The following MAML2 variants were observed in gnomAD, a reference collection of about 807,000 sequenced individuals.
MAML2 encodes the protein mastermind-like protein 2.
A neutral mutation model predicts 96.1 loss-of-function variants in MAML2; 22 were observed. That is an observed-to-expected ratio of 0.23 (90% confidence interval 0.16 to 0.33). The LOEUF is 0.33. Ranked by LOEUF, MAML2 falls within the 10% of genes least tolerant of loss-of-function variation. The pLI is 1.00. For missense variants in MAML2, 1,367 were observed against 1,392.4 expected, an observed-to-expected ratio of 0.98 and a Z score of 0.29; for synonymous variants, 561 against 521.3, an observed-to-expected ratio of 1.08 and a Z score of -1.04.
In MAML2 at chr11:96,261,764, T is replaced by C. The variant is rs560616743; in HGVS notation, c.513+79619A>G. On this transcript the variant is annotated intron_variant, in intron 1 of 4. Transcript: ENST00000524717. ...TATTCGTCTATAAAATAAGGAAGTG[T>C]TCAATTCAGTAACTATTTCAATGTT... 1.9e-4 allele frequency among the ~76,000 whole-genome samples: 29 copies of C among 152,372 alleles called. No homozygotes were observed. The South Asian group carries it at 2.3e-3, about 12-fold the overall frequency.
chr11:96,098,699 C>A (rs1264362180), intron 1 of MAML2, among the ~76,000 whole-genome samples: 1 of 152,222 alleles, frequency 6.6e-6, no homozygotes, highest in Non-Finnish European at 1.5e-5. Context: ...GCGGTCTCTG[C>A]TGGGGAAAGG....
chr11:96,013,413 G>T (rs1378016166), intron 2 of MAML2, among the ~76,000 whole-genome samples: 1 of 152,228 alleles, frequency 6.6e-6, no homozygotes, highest in African/African-American at 2.4e-5. Flanking sequence ...ATACAGGACT[G>T]CTAGGAAGGG....
chr11:96,097,809 A>T (rs918261479), intron 1 of MAML2, among the ~76,000 whole-genome samples: 1 of 152,048 alleles, frequency 6.6e-6, no homozygotes, highest in Non-Finnish European at 1.5e-5. Flanking sequence ...CTAGGCAGGC[A>T]CTCTGTGGTG....
chr11:96,255,864 C>CAT (rs1470365716), intron 1 of MAML2, among the ~76,000 whole-genome samples: 6 of 134,746 alleles, frequency 4.5e-5, no homozygotes, highest in African/African-American at 1.6e-4. Flanking sequence ...CCCCCCACCG[C>CAT]CTTTTTTTTT....
At chr11:96,281,392 G>C (rs753663351) in intron 1 of MAML2, among the ~76,000 whole-genome samples, 6 of 152,064 alleles carry the variant, frequency 3.9e-5, no homozygotes, top group Non-Finnish European at 7.4e-5. Context: ...TGGGGTCCAG[G>C]TCTGCTCTGG....
chr11:96,275,235 T>C (rs1407049171), intron 1 of MAML2, among the ~76,000 whole-genome samples: 1 of 151,784 alleles, frequency 6.6e-6, no homozygotes, highest in African/African-American at 2.4e-5. Flanking sequence ...ATATCCTAAC[T>C]TTTGCATTTT....
At chr11:96,135,545 CTTTT>C (rs10665067) in intron 1 of MAML2, among the ~76,000 whole-genome samples, 33,415 of 139,452 alleles carry the variant, frequency 0.24, 4,116 homozygotes, top group Middle Eastern at 0.33. Context: ...CAATCCAAGG[CTTTT>C]TTTTTTTTTT....
chr11:96,071,799 C>G (rs999628711), intron 2 of MAML2, among the ~76,000 whole-genome samples: 2 of 152,196 alleles, frequency 1.3e-5, no homozygotes, highest in Non-Finnish European at 2.9e-5. Flanking sequence ...CCTCCCCAGT[C>G]CATCCTGCAT....
intron 2 of MAML2, among the ~76,000 whole-genome samples, chr11:96,018,102 T>C (rs1858383449): frequency 6.6e-6 from 1 of 152,186 alleles, no homozygotes; most frequent in Non-Finnish European, 1.5e-5. Flanking sequence ...GGATTCCACA[T>C]AGTCTCTGAC....
Position 96,316,384 on chromosome 11 carries a change from C to T in MAML2, c.513+24999G>A, listed in dbSNP as rs562545487. Reference sequence around the variant, plus strand: ...CAGAAAATGCAGGTTGTAACAAATGCTATAAATAAAACAAAGAAGGGGCTA... The same window carrying T: ...CAGAAAATGCAGGTTGTAACAAATGTTATAAATAAAACAAAGAAGGGGCTA... On this transcript the variant is annotated intron_variant, in intron 1 of 4. Coordinates refer to ENST00000524717, the MANE Select transcript of MAML2 (RefSeq NM_032427.4). Among the ~76,000 whole-genome samples the T allele has an allele frequency of 5.9e-5, 9 of 152,190 alleles. No homozygotes were observed. In the South Asian group the frequency reaches 1.9e-3, roughly 32 times the overall value.
At chr11:96,090,546 G>C (rs1859686526) in intron 2 of MAML2, among the ~76,000 whole-genome samples, 1 of 152,118 alleles carries the variant, frequency 6.6e-6, no homozygotes, top group South Asian at 2.1e-4. Context: ...CCTGCATATA[G>C]CATTAGAAAA....
chr11:96,161,319 C>T (rs907946631), intron 1 of MAML2, among the ~76,000 whole-genome samples: 1 of 152,178 alleles, frequency 6.6e-6, no homozygotes, highest in Non-Finnish European at 1.5e-5. Flanking sequence ...GGGAAAAGTT[C>T]CTTTAGAATG....
At chr11:96,132,548 G>A (rs1030680000) in intron 1 of MAML2, among the ~76,000 whole-genome samples, 5 of 151,584 alleles carry the variant, frequency 3.3e-5, no homozygotes, top group Non-Finnish European at 7.4e-5. Flanking sequence ...ACAGTAACAA[G>A]AAAGTAGAAC....
chr11:96,208,055 A>G (rs1861919382), intron 1 of MAML2, among the ~76,000 whole-genome samples: 2 of 152,230 alleles, frequency 1.3e-5, no homozygotes, highest in Admixed American at 1.3e-4. Context: ...CTTCTTAGCA[A>G]CAGGCCACAT....
intron 1 of MAML2, among the ~76,000 whole-genome samples, chr11:96,220,475 A>G (rs1862119817): frequency 6.6e-6 from 1 of 152,046 alleles, no homozygotes; most frequent in Admixed American, 6.6e-5. Context: ...CTGCCTCTTT[A>G]TTTTTTTCTA....
intron 1 of MAML2, among the ~76,000 whole-genome samples, chr11:96,286,652 G>A (rs545117018): frequency 9.2e-5 from 12 of 130,080 alleles, no homozygotes; most frequent in Middle Eastern, 4.2e-3. Context: ...TTACAGATTT[G>A]TCACAAAGTA....
intron 1 of MAML2, among the ~76,000 whole-genome samples, chr11:96,120,951 CT>C (rs1860329845): frequency 6.6e-6 from 1 of 152,332 alleles, no homozygotes; most frequent in East Asian, 1.9e-4. Flanking sequence ...TAGTGTCTTG[CT>C]CTACTCAGTA....
intron 1 of MAML2, among the ~76,000 whole-genome samples, chr11:96,149,500 G>T (rs1860885069): frequency 6.6e-6 from 1 of 151,506 alleles, no homozygotes; most frequent in Admixed American, 6.6e-5. Flanking sequence ...GGGAGGCCGA[G>T]GCAGATGGAT....
chr11:96,111,199 C>G (rs4753727), intron 1 of MAML2, among the ~76,000 whole-genome samples: 134,294 of 152,180 alleles, frequency 0.88, 59,513 homozygotes, highest in East Asian at 1. Context: ...TGCTTCCCAT[C>G]ATATTTTTAA....
Sources: allele counts gnomAD v4.1 joint callset (sites outside exome capture counted in the v4.1 genomes callset), GRCh38; gene constraint gnomAD v4.1.1; transcripts MANE v1.5; gene names NCBI Gene and HGNC (gene_info 2026-07-23, HGNC 2026-07-21).